Variants in AP5Z1 observed in about 807,000 individuals in gnomAD.
AP5Z1 encodes the protein AP-5 complex subunit zeta-1.
In AP5Z1, 106 loss-of-function variants were observed where a neutral mutation model predicts 83.0. The observed-to-expected ratio is 1.28, with a 90% CI of 1.09 to 1.50. AP5Z1 has a LOEUF of 1.50. Ranked by LOEUF, AP5Z1 falls within the 40% of genes most tolerant of loss-of-function variation. AP5Z1 has a pLI of 0.00. For missense variants in AP5Z1, 1,565 were observed against 1,094.2 expected (o/e 1.43, Z -6.07); for synonymous variants, 751 against 514.1 (o/e 1.46, Z -6.23).
At chr7:4,790,624 C>T (rs1019285320) in intron 15 of AP5Z1, 33 bp downstream of exon 15, 1 of 1,612,382 alleles carries the variant, frequency 6.2e-7, no homozygotes, top group Non-Finnish European at 8.5e-7. Flanking sequence ...ACAGCCGCTC[C>T]TGACCCAGGA....
chr7:4,788,559 A>G, intron 12 of AP5Z1: 1 of 515,144 alleles, frequency 1.9e-6, no homozygotes, highest in Non-Finnish European at 3.3e-6. Context: ...CATTTTGCAG[A>G]TGGACAAACC....
At chr7:4,787,511 A>C (rs919408256) in intron 10 of AP5Z1, 123 bp from the exon 11 acceptor site, 4 of 1,381,140 alleles carry the variant, frequency 2.9e-6, no homozygotes, top group Non-Finnish European at 3.8e-6. Context: ...GGGAGGAGGC[A>C]AAGGTAGAAG....
In AP5Z1 at chr7:4,775,767, G is replaced by A; in HGVS notation, c.41+11G>A. ...GCTCCACCAGGCCAGGTACGGGGGAGCTGCGGCCCCGGCCCTCCTTCCTGC... is the reference window on the plus strand; with the variant it reads ...GCTCCACCAGGCCAGGTACGGGGGAACTGCGGCCCCGGCCCTCCTTCCTGC... On this transcript the variant is annotated intron_variant, in intron 1 of 16. Coordinates refer to ENST00000649063, the MANE Select transcript of AP5Z1 (RefSeq NM_014855.3). 6.2e-7 allele frequency: 1 copy of A among 1,603,008 alleles called. No individual in the cohort carries two copies. The highest frequency in any genetic ancestry group is 8.5e-7 in the Non-Finnish European group (1 of 1,179,570).
Position 4,791,482 on chromosome 7 carries a change from T to A in AP5Z1, c.*97T>A. ...ATAGGAGCTCAGGAGGGCGCGGGAG[T>A]CCTGGGAGAGGAGGCAAGGCCCACG... On this transcript the variant is annotated 3_prime_UTR_variant, in exon 17 of 17. Coordinates refer to ENST00000649063, the MANE Select transcript of AP5Z1 (RefSeq NM_014855.3). The A allele has an allele frequency of 6.8e-7, 1 of 1,463,544 alleles. No individual in the cohort carries two copies. The highest frequency in any genetic ancestry group is 9.1e-7 in the Non-Finnish European group (1 of 1,099,538). The allele number at this position is 1,463,544 out of a possible 1,614,324, so 90.7% of individuals were successfully genotyped here. A position where few individuals can be genotyped will look rare whatever the true frequency, so the allele number is the denominator to read the frequency against.
chr7:4,777,486 C>T (rs1331306668), intron 1 of AP5Z1, among the ~76,000 whole-genome samples: 1 of 152,138 alleles, frequency 6.6e-6, no homozygotes, highest in African/African-American at 2.4e-5. Flanking sequence ...CTCCTGGGTT[C>T]AAGCAATTCT....
rs1781490196 is a variant in AP5Z1 at position 4,784,896 on chromosome 7, C to G, written c.791-12C>G. ...CACACGTCAGCCTGCTGAGAGTTCC[C>G]ACCTCCCGCAGATGACAGGTCAGAG... On this transcript the variant is annotated splice_polypyrimidine_tract_variant and intron_variant, in intron 6 of 16. Transcript: ENST00000649063. 1 of 1,604,886 alleles carries G rather than the reference C, an allele frequency of 6.2e-7. No homozygotes were observed. The highest frequency in any genetic ancestry group is 1.3e-5 in the African/African-American group (1 of 74,762).
chr7:4,778,038 G>A (rs973164054), intron 1 of AP5Z1, among the ~76,000 whole-genome samples: 1 of 152,204 alleles, frequency 6.6e-6, no homozygotes, highest in Non-Finnish European at 1.5e-5. Flanking sequence ...GGACAACATA[G>A]CGAGACCCGT....
intron 14 of AP5Z1, 145 bp from the exon 15 acceptor site, chr7:4,790,314 T>G (rs772738385): frequency 1.5e-5 from 23 of 1,549,558 alleles, no homozygotes; most frequent in Non-Finnish European, 1.9e-5. Context: ...TCTCTGAGGC[T>G]GGCAGTCTTC....
At chr7:4,777,536 C>T (rs763813477) in intron 1 of AP5Z1, among the ~76,000 whole-genome samples, 7 of 152,014 alleles carry the variant, frequency 4.6e-5, no homozygotes, top group African/African-American at 7.3e-5. Context: ...TACAGGCGCC[C>T]GCCACCACAC....
Position 4,775,669 on chromosome 7 carries a change from G to A in AP5Z1, c.-47G>A. The A allele has an allele frequency of 6.2e-7, 1 of 1,604,758 alleles. No homozygotes were observed. The highest frequency in any genetic ancestry group is 2.2e-5 in the East Asian group (1 of 44,834). On this transcript the variant is annotated 5_prime_UTR_variant, in exon 1 of 17. Coordinates refer to ENST00000649063, the MANE Select transcript of AP5Z1 (RefSeq NM_014855.3). ...CGGGGTGCGGAGCTCCTGGGCTGCA[G>A]CTCCTGGAGTTTCCGAGGTTCGTGC...
rs144563476 is a variant in AP5Z1, at chr7:4,785,713, C to CG, written c.1132+33dup. The CG allele has an allele frequency of 5.0e-3, 7,262 of 1,440,532 alleles. 243 individuals carry two copies. The African/African-American group carries it at 0.082, about 16-fold the overall frequency. 89.2% of individuals were successfully genotyped at this position (1,440,532 alleles called of 1,614,324 possible). A position where few individuals can be genotyped will look rare whatever the true frequency, so the allele number is the denominator to read the frequency against. On this transcript the variant is annotated intron_variant, in intron 9 of 16. Coordinates refer to ENST00000649063, the MANE Select transcript of AP5Z1 (RefSeq NM_014855.3). ...AGCCCAGGGTGGGGTGGCGCTGACT[C>CG]GGGGCTCTGCTTCTGCCTTTAGTTT... is the stretch of plus-strand genomic sequence containing the variant.
rs1163553659 is a variant in AP5Z1, at chr7:4,784,891, G to A, written c.791-17G>A. 1 of 1,604,150 alleles carries A rather than the reference G, an allele frequency of 6.2e-7. No homozygotes were observed. Among genetic ancestry groups the A allele is most frequent in the Non-Finnish European group, 8.5e-7 (1 of 1,173,906 alleles). ...GGAGCCACACGTCAGCCTGCTGAGA[G>A]TTCCCACCTCCCGCAGATGACAGGT... On this transcript the variant is annotated splice_polypyrimidine_tract_variant and intron_variant, in intron 6 of 16. Transcript: ENST00000649063.
chr7:4,776,238 G>A (rs1181851559), intron 1 of AP5Z1, among the ~76,000 whole-genome samples: 2 of 152,152 alleles, frequency 1.3e-5, no homozygotes, highest in Admixed American at 1.3e-4. Flanking sequence ...CTCTTGCGCG[G>A]ATGTATTAGC....
chr7:4,781,082 C>G (rs898450991), intron 1 of AP5Z1, 93 bp from the exon 2 acceptor site: 5 of 1,498,210 alleles, frequency 3.3e-6, no homozygotes, highest in Middle Eastern at 1.9e-4. Context: ...CTTCTCTTTT[C>G]TAAAGAGGGA....
In AP5Z1 at chr7:4,781,230, C is replaced by T; in HGVS notation, c.97C>T (p.Gln33Ter). 1 of 1,613,740 alleles carries T rather than the reference C, an allele frequency of 6.2e-7. No homozygotes were observed. The highest frequency in any genetic ancestry group is 8.5e-7 in the Non-Finnish European group (1 of 1,179,624). ...KFCSRICKLL[Q>*]AEDLGPDTLD... is the part of the protein sequence containing the mutation. ...CTGTTCCCGGATCTGTAAACTGCTG[C>T]AGGCGGAGGACTTGGGGCCGGACAC... Residue 33 changes from glutamine (Q) to a stop codon, truncating the protein, a stop_gained, in exon 2 of 17, where the codon CAG (glutamine) becomes TAG (stop). Coordinates refer to ENST00000649063, the MANE Select transcript of AP5Z1 (RefSeq NM_014855.3). LOFTEE classifies it high-confidence loss of function.
chr7:4,784,939 G>C lies in AP5Z1; in HGVS notation c.822G>C (p.Leu274=), dbSNP rs957274881. 4 of 1,612,038 alleles carry C rather than the reference G, an allele frequency of 2.5e-6. No homozygotes were observed. The highest frequency in any genetic ancestry group is 3.4e-6 in the Non-Finnish European group (4 of 1,179,466). Residue 274 remains leucine, a synonymous_variant, in exon 7 of 17, where the codon CTG becomes CTC. Coordinates refer to ENST00000649063, the MANE Select transcript of AP5Z1 (RefSeq NM_014855.3). ...GGTCAGAGCAGGAGGGCTCCACTCT[G>C]TCGGTGATCTCCGCCACCTCCTCTG... The part of the protein sequence containing the change: ...DDRSEQEGST[L]SVISATSSAG...
Position 4,784,322 on chromosome 7 carries a change from G to C in AP5Z1, c.741G>C (p.Arg247=). The C allele has an allele frequency of 3.1e-6, 5 of 1,601,410 alleles. No homozygotes were observed. In the Middle Eastern group the frequency reaches 6.6e-4, roughly 212 times the overall value. ...ACGTGCAGGCCTTCTCTATGCTGCG[G>C]GCGTGGCTGCTGCACAGCGGCCCCG... The part of the protein sequence containing the change: ...WLNVQAFSML[R]AWLLHSGPEG... The change falls in exon 6 of 17, where the codon CGG becomes CGC. Residue 247 remains arginine (R), a synonymous_variant. Coordinates refer to ENST00000649063, the MANE Select transcript of AP5Z1 (RefSeq NM_014855.3).
chr7:4,784,830 C>T (rs1781488353), intron 6 of AP5Z1, 78 bp from the exon 7 acceptor site: 17 of 1,517,604 alleles, frequency 1.1e-5, no homozygotes, highest in Non-Finnish European at 1.5e-5. Context: ...TCTCCTCCTG[C>T]CCTTCCAAGC....
At position 4,784,982 on chromosome 7, in the gene AP5Z1, C is replaced by G; in HGVS notation, c.865C>G (p.Pro289Ala). Residue 289 changes from proline (P) to alanine (A), a missense_variant, in exon 7 of 17, where the codon CCC (proline) becomes GCC (alanine). By Grantham distance (27) the Pro-to-Ala change is conservative. Transcript: ENST00000649063. ...CTCCTCTGCCGGCCGCCTGCTGCCG[C>G]CCCGGGAGCGGCTTCGGGAGGTGGC... ...ATSSAGRLLP[P>A]RERLREVAFE... The G allele has an allele frequency of 6.2e-7, 1 of 1,612,046 alleles. No homozygotes were observed. Among genetic ancestry groups the G allele is most frequent in the South Asian group, 1.1e-5 (1 of 91,036 alleles).
Sources: gnomAD v4.1 joint callset for allele counts (sites outside exome capture counted in the v4.1 genomes callset) on GRCh38, gnomAD v4.1.1 for gene constraint, MANE v1.5 for transcripts, NCBI Gene and HGNC (gene_info 2026-07-23, HGNC 2026-07-21) for gene names.